Variants in TTC33 observed in about 807,000 individuals in gnomAD.
TTC33 encodes tetratricopeptide repeat protein 33.
A neutral mutation model predicts 29.4 loss-of-function variants in TTC33; 24 were observed. That is an observed-to-expected ratio of 0.82 (90% CI 0.59 to 1.15). The LOEUF is 1.15. TTC33 is among the 50% of genes most tolerant of loss of function. The pLI is 0.00. For missense variants in TTC33, 286 were observed against 310.4 expected, an observed-to-expected ratio of 0.92 and a Z score of 0.59; for synonymous variants, 107 against 100.3, an observed-to-expected ratio of 1.07 and a Z score of -0.40.
chr5:40,744,105 G>T (rs964631227), intron 2 of TTC33, among the ~76,000 whole-genome samples: 2 of 152,178 alleles, frequency 1.3e-5, no homozygotes, highest in African/African-American at 2.4e-5. Context: ...AGTTCCTAAA[G>T]ATGTTTTATG....
chr5:40,723,195 C>T (rs1239776796), intron 4 of TTC33, among the ~76,000 whole-genome samples: 3 of 151,982 alleles, frequency 2.0e-5, no homozygotes, highest in East Asian at 1.9e-4. Context: ...GGATTAAGGG[C>T]GGTGCAAGAT....
At chr5:40,725,908 C>A (rs1742272253) in intron 4 of TTC33, among the ~76,000 whole-genome samples, 1 of 151,688 alleles carries the variant, frequency 6.6e-6, no homozygotes, top group Admixed American at 6.6e-5. Flanking sequence ...GCCTCAGCCT[C>A]CCGAGCAGCT....
At chr5:40,734,270 G>T (rs1742498332) in intron 2 of TTC33, among the ~76,000 whole-genome samples, 1 of 152,166 alleles carries the variant, frequency 6.6e-6, no homozygotes, top group African/African-American at 2.4e-5. Flanking sequence ...CAAATCAATA[G>T]TCTCTCATAA....
chr5:40,745,965 G>A (rs755198107), intron 2 of TTC33, among the ~76,000 whole-genome samples: 2 of 152,050 alleles, frequency 1.3e-5, no homozygotes, highest in Non-Finnish European at 2.9e-5. Flanking sequence ...TTCCACCATA[G>A]ATTAGAGATA....
At chr5:40,735,380 A>G (rs1742527097) in intron 2 of TTC33, among the ~76,000 whole-genome samples, 1 of 152,216 alleles carries the variant, frequency 6.6e-6, no homozygotes, top group African/African-American at 2.4e-5. Flanking sequence ...AAGTGAAAAC[A>G]GAAAGAGGAA....
At chr5:40,717,764 T>A (rs1375850910) in intron 4 of TTC33, among the ~76,000 whole-genome samples, 1 of 152,174 alleles carries the variant, frequency 6.6e-6, no homozygotes, top group Non-Finnish European at 1.5e-5. Flanking sequence ...CAGATTAGTT[T>A]TAAGATTGCA....
chr5:40,716,219 C>T lies in TTC33; in HGVS notation c.715G>A (p.Ala239Thr), dbSNP rs974384378. The part of the protein sequence containing the change: ...KTMVIVSASG[A>T]IETVTEKEDG... ...TCCTTTTCAGTTACAGTCTCTATGGCCCCAGAAGCAGACACAATAACCATT... is the reference window on the plus strand; with the variant it reads ...TCCTTTTCAGTTACAGTCTCTATGGTCCCAGAAGCAGACACAATAACCATT... Residue 239 changes from alanine to threonine, a missense_variant, in exon 5 of 5, where the codon GCC becomes ACC. By Grantham distance (58) the Ala-to-Thr change is moderately conservative. Coordinates refer to ENST00000337702, the MANE Select transcript of TTC33 (RefSeq NM_012382.3). The T allele has an allele frequency of 3.8e-5, 61 of 1,614,058 alleles. No individual in the cohort carries two copies. Among genetic ancestry groups the T allele is most frequent in the Non-Finnish European group, 5.1e-5 (60 of 1,180,042 alleles).
intron 2 of TTC33, among the ~76,000 whole-genome samples, chr5:40,741,465 C>T (rs1270904754): frequency 6.6e-6 from 1 of 152,146 alleles, no homozygotes; most frequent in African/African-American, 2.4e-5. Flanking sequence ...ACAGAAATTC[C>T]CCAATAGTTG....
At chr5:40,732,672 G>T (rs1015166094) in intron 2 of TTC33, among the ~76,000 whole-genome samples, 7 of 151,986 alleles carry the variant, frequency 4.6e-5, no homozygotes, top group African/African-American at 1.7e-4. Flanking sequence ...ACAGTGGCAT[G>T]ATCTCAGCTC....
chr5:40,717,954 C>T lies in TTC33; in HGVS notation c.436-1456G>A, dbSNP rs554474141. 5.3e-5 allele frequency among the ~76,000 whole-genome samples: 8 copies of T among 151,664 alleles called. No individual in the cohort carries two copies. In the South Asian group the frequency reaches 1.0e-3, roughly 20 times the overall value. The stretch of plus-strand genomic sequence containing the variant: ...GTGCACGCCTGTAATCCCAGCTACT[C>T]GTGAGGCTGAGGCAGGAGAATCGCT... On this transcript the variant is annotated intron_variant, in intron 4 of 4. Transcript: ENST00000337702.
chr5:40,752,542 T>C (rs1212405823), intron 1 of TTC33, among the ~76,000 whole-genome samples: 2 of 152,248 alleles, frequency 1.3e-5, no homozygotes, highest in Non-Finnish European at 1.5e-5. Context: ...TCTCAGGAAA[T>C]AGGGAGACCC....
intron 4 of TTC33, among the ~76,000 whole-genome samples, chr5:40,722,177 C>A (rs1742149138): frequency 6.6e-6 from 1 of 152,000 alleles, no homozygotes; most frequent in South Asian, 2.1e-4. Flanking sequence ...GTCACTCCAG[C>A]CTGGGTGACA....
intron 4 of TTC33, among the ~76,000 whole-genome samples, chr5:40,717,052 A>T (rs1264486736): frequency 1.3e-5 from 2 of 152,088 alleles, no homozygotes; most frequent in East Asian, 3.9e-4. Context: ...AACACAGTGA[A>T]ACCCTGTCTC....
At chr5:40,739,112 ATGTC>A (rs1417636829) in intron 2 of TTC33, among the ~76,000 whole-genome samples, 1 of 152,182 alleles carries the variant, frequency 6.6e-6, no homozygotes. Flanking sequence ...TGATCCATGT[ATGTC>A]TATCTTTACA....
intron 1 of TTC33, among the ~76,000 whole-genome samples, chr5:40,747,663 A>G (rs1414660570): frequency 1.3e-5 from 2 of 152,192 alleles, no homozygotes; most frequent in East Asian, 3.9e-4. Context: ...AAAAACAGAA[A>G]CTAAAGGAAA....
chr5:40,731,415 A>G (rs1742424929), intron 2 of TTC33, among the ~76,000 whole-genome samples: 1 of 152,300 alleles, frequency 6.6e-6, no homozygotes, highest in Non-Finnish European at 1.5e-5. Context: ...GCAATAAAGA[A>G]CTGCCCAAGA....
intron 4 of TTC33, among the ~76,000 whole-genome samples, chr5:40,718,107 T>C (rs1446262041): frequency 1.3e-5 from 2 of 150,746 alleles, no homozygotes; most frequent in Non-Finnish European, 3.0e-5. Context: ...TACAATCTAA[T>C]AGGCCCTTTA....
intron 4 of TTC33, among the ~76,000 whole-genome samples, chr5:40,718,585 C>T (rs144445003): frequency 0.035 from 5,303 of 151,880 alleles, 122 homozygotes; most frequent in Non-Finnish European, 0.051. Context: ...ACTAAAAATA[C>T]AAAAATTAGC....
At chr5:40,748,329 T>C (rs535612620) in intron 1 of TTC33, among the ~76,000 whole-genome samples, 2 of 152,304 alleles carry the variant, frequency 1.3e-5, no homozygotes, top group East Asian at 3.9e-4. Context: ...CCCGAGCAGC[T>C]GGGATTACAG....
Sources: gnomAD v4.1 joint callset for allele counts (sites outside exome capture counted in the v4.1 genomes callset) on GRCh38, gnomAD v4.1.1 for gene constraint, MANE v1.5 for transcripts, NCBI Gene and HGNC (gene_info 2026-07-23, HGNC 2026-07-21) for gene names.